TOPBP1: variants seen among roughly 807,000 people sequenced by gnomAD.
TOPBP1 encodes DNA topoisomerase 2-binding protein 1.
A neutral mutation model predicts 167.7 loss-of-function variants in TOPBP1; 28 were observed. The ratio of observed to expected loss-of-function variants is 0.17; its 90% CI spans 0.12 to 0.23. The LOEUF (loss-of-function observed/expected upper bound fraction) is 0.23, where lower values mean the gene tolerates loss of function less well. Among genes scored for constraint, TOPBP1 ranks in the 10% least tolerant of loss-of-function variants. The pLI is 1.00. For synonymous variants in TOPBP1, 598 were observed against 611.4 expected (o/e 0.98, Z 0.32); for missense variants, 1,554 against 1,809.6 (o/e 0.86, Z 2.56).
intron 8 of TOPBP1, 122 bp downstream of exon 8, chr3:133,652,341 G>T: frequency 2.0e-6 from 2 of 988,810 alleles, no homozygotes; most frequent in Non-Finnish European, 3.0e-6. Context: ...CATCTACTTA[G>T]CTAGAGTGGA....
rs373665831 is a variant in TOPBP1, at chr3:133,628,474, G to A, written c.2695-3C>T. On this transcript the variant is annotated splice_region_variant and splice_polypyrimidine_tract_variant and intron_variant, in intron 15 of 27. Transcript: ENST00000260810. The stretch of plus-strand genomic sequence containing the variant: ...TGAAGTGGCTTTGGGGCTTCTTCCT[G>A]TCCATGGAAAATAAAAGAAACAGAT... The A allele has an allele frequency of 5.0e-6, 8 of 1,608,830 alleles. No individual in the cohort carries two copies. Among genetic ancestry groups the A allele is most frequent in the Non-Finnish European group, 5.9e-6 (7 of 1,177,346 alleles).
rs145107970 is a variant in TOPBP1, at chr3:133,643,208, A to G, written c.2013T>C (p.Leu671=). The G allele has an allele frequency of 4.1e-4, 657 of 1,591,684 alleles. 9 individuals carry two copies. The East Asian group carries it at 0.015, about 35-fold the overall frequency. The change falls in exon 12 of 28, where the codon CTT becomes CTC. Residue 671 remains leucine, a synonymous_variant. Coordinates refer to ENST00000260810, the MANE Select transcript of TOPBP1 (RefSeq NM_007027.4). Reference sequence around the variant, plus strand: ...TTAAAAATATTACATACCTTGCTCCAAGGAGGTTTGCTAGGAATGTTAAAG... The same window carrying G: ...TTAAAAATATTACATACCTTGCTCCGAGGAGGTTTGCTAGGAATGTTAAAG... The part of the protein sequence containing the change: ...KESLTFLANL[L]GASVQEYFVR...
Position 133,616,850 on chromosome 3 carries a change from C to G in TOPBP1, c.3835G>C (p.Glu1279Gln). ...IFQLSSLNPQ[E>Q]RIDYCHLIEK... ...ATCAGATGACAATAGTCAATACGTT[C>G]TTGAGGATTCAGAGATGATAACTGA... The change falls in exon 23 of 28, where the codon GAA (glutamate) becomes CAA (glutamine). Residue 1279 changes from glutamate (E) to glutamine (Q), a missense_variant. Physicochemically the swap from Glu to Gln is conservative, Grantham distance 29. Transcript: ENST00000260810. 1 of 1,554,778 alleles carries G rather than the reference C, an allele frequency of 6.4e-7. No individual in the cohort carries two copies. Among genetic ancestry groups the G allele is most frequent in the Non-Finnish European group, 8.7e-7 (1 of 1,153,234 alleles).
chr3:133,606,495 C>CTTTTT (rs750468980), intron 27 of TOPBP1, among the ~76,000 whole-genome samples: 3 of 125,464 alleles, frequency 2.4e-5, no homozygotes, highest in South Asian at 2.5e-4. Flanking sequence ...CACTCTAGGC[C>CTTTTT]TTTTTTTTTT....
rs1936488653 is a variant in TOPBP1 at position 133,656,714 on chromosome 3, G to A, written c.507C>T (p.Pro169=). The change falls in exon 5 of 28, where the codon CCC becomes CCT. Residue 169 remains proline (P), a synonymous_variant. Transcript: ENST00000260810. ...TCTCCCAAAGTGTTTTTATCCAAGA[G>A]GGAAGCAAAATAGGTTTCTTCAGGT... ...AANLKKPILL[P]SWIKTLWEKS... 1 of 1,609,862 alleles carries A rather than the reference G, an allele frequency of 6.2e-7. No homozygotes were observed. The highest frequency in any genetic ancestry group is 8.5e-7 in the Non-Finnish European group (1 of 1,178,598).
At chr3:133,635,818 A>T (rs974980551) in intron 14 of TOPBP1, among the ~76,000 whole-genome samples, 2 of 152,194 alleles carry the variant, frequency 1.3e-5, no homozygotes, top group Admixed American at 1.3e-4. Flanking sequence ...ACTCCAAGAG[A>T]CACGCACAAG....
At position 133,644,064 on chromosome 3, in the gene TOPBP1, C is replaced by G. The variant is rs771850699; in HGVS notation, c.1804G>C (p.Glu602Gln). Reference protein sequence around the residue: ...DYAVVPLLGCEVEATVGEVVT... With the variant: ...DYAVVPLLGCQVEATVGEVVT... ...ACTTCTCCCACAGTGGCTTCCACTT[C>G]ACACCCCAGCAGAGGAACCACAGCA... The change falls in exon 11 of 28, where the codon GAA (glutamate) becomes CAA (glutamine). Residue 602 changes from glutamate to glutamine, a missense_variant. Transcript: ENST00000260810. 2.5e-6 allele frequency: 4 copies of G among 1,611,634 alleles called. No individual in the cohort carries two copies. Among genetic ancestry groups the G allele is most frequent in the Non-Finnish European group, 3.4e-6 (4 of 1,179,162 alleles).
At chr3:133,661,372 C>T (rs1471585058) in intron 1 of TOPBP1, among the ~76,000 whole-genome samples, 1 of 152,216 alleles carries the variant, frequency 6.6e-6, no homozygotes. Flanking sequence ...ATTGAATACA[C>T]TGAGGAAGGC....
At chr3:133,653,629 ATTTTT>A in intron 6 of TOPBP1, 105 bp from the exon 7 acceptor site, 12 of 772,902 alleles carry the variant, frequency 1.6e-5, no homozygotes, top group South Asian at 5.7e-5. Context: ...ACAGGTTAAT[ATTTTT>A]TTTTTTTTTT....
Position 133,652,564 on chromosome 3 carries a change from A to G in TOPBP1, c.988T>C (p.Cys330Arg). 6.2e-7 allele frequency: 1 copy of G among 1,611,322 alleles called. No homozygotes were observed. Among genetic ancestry groups the G allele is most frequent in the Non-Finnish European group, 8.5e-7 (1 of 1,179,100 alleles). Residue 330 changes from cysteine to arginine, a missense_variant, in exon 8 of 28, where the codon TGT becomes CGT. Transcript: ENST00000260810. ...INASCVSESICNSLNSKLEPT... is the reference protein window; with the variant it reads ...INASCVSESIRNSLNSKLEPT... ...TCCAGTTTGCTGTTAAGTGAATTAC[A>G]TATTGATTCACTTACGCAACTTGCA...
chr3:133,649,076 A>C (rs1356552207), intron 10 of TOPBP1, among the ~76,000 whole-genome samples: 1 of 152,228 alleles, frequency 6.6e-6, no homozygotes, highest in Non-Finnish European at 1.5e-5. Flanking sequence ...TAATCCAGTA[A>C]GAGGTATTTG....
chr3:133,610,544 G>T (rs1010421516), intron 25 of TOPBP1, among the ~76,000 whole-genome samples: 4 of 151,510 alleles, frequency 2.6e-5, no homozygotes, highest in Admixed American at 2.6e-4. Context: ...CAAAATTACA[G>T]GTACAGTTGA....
chr3:133,605,766 C>T (rs1934470541), intron 27 of TOPBP1, among the ~76,000 whole-genome samples: 1 of 152,078 alleles, frequency 6.6e-6, no homozygotes, highest in Admixed American at 6.6e-5. Context: ...AGGTCCTAGC[C>T]ACATAAGACA....
rs764673964 is a variant in TOPBP1 at position 133,644,148 on chromosome 3, T to A, written c.1720A>T (p.Ile574Phe). 1.9e-6 allele frequency: 3 copies of A among 1,613,966 alleles called. No homozygotes were observed. The Admixed American group carries it at 5.0e-5, about 27-fold the overall frequency. ...ATTTTCCCAGCATTTTCTTTTATGA[T>A]GTTTGCGATGTTAGATTCATTTTCA... ...SNENESNIAN[I>F]IKENAGKIMS... Residue 574 changes from isoleucine (I) to phenylalanine (F), a missense_variant, in exon 11 of 28, where the codon ATC becomes TTC. Ile to Phe is a conservative substitution (Grantham distance 21). Transcript: ENST00000260810.
Position 133,601,171 on chromosome 3 carries a change from A to T in TOPBP1, c.*79T>A. ...TTCAGGTACTCATCTTTAAATTACT[A>T]CCCAAATCTATCACAGTCACATTCA... is the stretch of plus-strand genomic sequence containing the variant. On this transcript the variant is annotated 3_prime_UTR_variant, in exon 28 of 28. Transcript: ENST00000260810. The T allele has an allele frequency of 2.2e-5, 28 of 1,297,876 alleles. No homozygotes were observed. The highest frequency in any genetic ancestry group is 3.0e-5 in the Non-Finnish European group (28 of 941,874). 80.4% of individuals were successfully genotyped at this position (1,297,876 alleles called of 1,614,324 possible). A position where few individuals can be genotyped will look rare whatever the true frequency, so the allele number is the denominator to read the frequency against.
At chr3:133,617,004 C>T (rs1441726328) in intron 22 of TOPBP1, 79 bp from the exon 23 acceptor site, 7 of 1,250,462 alleles carry the variant, frequency 5.6e-6, no homozygotes, top group South Asian at 1.7e-5. Flanking sequence ...TGGTATTTTA[C>T]TCAGTCTTCT....
In TOPBP1 at chr3:133,637,889, G is replaced by C. The variant is rs142305736; in HGVS notation, c.2507C>G (p.Ser836Cys). 6.9e-5 allele frequency: 112 copies of C among 1,613,706 alleles called. No homozygotes were observed. The African/African-American group carries it at 7.7e-4, about 11-fold the overall frequency. ...TATAAACCTTACCTTCACATCAAAG[G>C]AAGGCTTGAAGAGTTTGTCCTTGGA... The part of the protein sequence containing the change: ...FLSKDKLFKP[S>C]FDVKDALAAL... The change falls in exon 14 of 28, where the codon TCC becomes TGC. Residue 836 changes from serine to cysteine, a missense_variant. Ser to Cys is a moderately radical substitution (Grantham distance 112). This residue lies in a region of TOPBP1 where 1,197 missense variants were observed against 1,351.5 expected (regional missense o/e 0.89). Coordinates refer to ENST00000260810, the MANE Select transcript of TOPBP1 (RefSeq NM_007027.4).
At chr3:133,656,637 T>G in intron 5 of TOPBP1, 39 bp downstream of exon 5, 1 of 1,537,394 alleles carries the variant, frequency 6.5e-7, no homozygotes, top group Non-Finnish European at 8.7e-7. Context: ...GAATGCATCA[T>G]TTTTTCAAAT....
Position 133,652,441 on chromosome 3 carries a change from GTAT to G in TOPBP1, c.1089+19_1089+21del. On this transcript the variant is annotated intron_variant, in intron 8 of 27. Coordinates refer to ENST00000260810, the MANE Select transcript of TOPBP1 (RefSeq NM_007027.4). ...TGCTAATGTATATCATCTACTGCAT[GTAT>G]TATATAATAAAGACGTACCCGACAA... The G allele has an allele frequency of 6.2e-7, 1 of 1,609,642 alleles. No individual in the cohort carries two copies. Among genetic ancestry groups the G allele is most frequent in the Non-Finnish European group, 8.5e-7 (1 of 1,178,778 alleles).
Sources: gnomAD v4.1 joint callset for allele counts (sites outside exome capture counted in the v4.1 genomes callset) on GRCh38, gnomAD v4.1.1 for gene constraint, gnomAD v4.1.1 regional missense constraint, MANE v1.5 for transcripts, NCBI Gene and HGNC (gene_info 2026-07-23, HGNC 2026-07-21) for gene names.